Variants in DNAI1 observed in about 807,000 individuals in gnomAD.
DNAI1 encodes the protein dynein, axonemal, intermediate polypeptide 1.
DNAI1 carries 67 observed loss-of-function variants against 92.0 expected under a neutral mutation model. The ratio of observed to expected loss-of-function variants is 0.73; its 90% confidence interval spans 0.60 to 0.89. The LOEUF is 0.89. Ranked by LOEUF, DNAI1 falls within the 40% of genes least tolerant of loss-of-function variation. DNAI1 has a pLI of 0.00. For synonymous variants in DNAI1, 323 were observed against 319.6 expected (o/e 1.01, Z -0.11); for missense variants, 839 against 866.6 (o/e 0.97, Z 0.40).
intron 18 of DNAI1, among the ~76,000 whole-genome samples, chr9:34,516,825 C>T (rs1386132844): frequency 2.6e-5 from 4 of 151,546 alleles, no homozygotes; most frequent in South Asian, 2.1e-4. Context: ...CTGTAACCTC[C>T]GCCTCCCAGG....
At chr9:34,489,975 G>A in intron 5 of DNAI1, 37 bp from the exon 6 acceptor site, 1 of 1,610,904 alleles carries the variant, frequency 6.2e-7, no homozygotes, top group Non-Finnish European at 8.5e-7. Flanking sequence ...GGGAGAGCAG[G>A]CTTAGACTTT....
At chr9:34,465,386 G>A (rs1824018942) in intron 1 of DNAI1, among the ~76,000 whole-genome samples, 1 of 152,204 alleles carries the variant, frequency 6.6e-6, no homozygotes, top group African/African-American at 2.4e-5. Context: ...TGCAGTTGAT[G>A]ATAATTTTGA....
At chr9:34,507,288 C>T (rs7048474) in intron 13 of DNAI1, among the ~76,000 whole-genome samples, 29,740 of 152,128 alleles carry the variant, frequency 0.2, 3,449 homozygotes, top group African/African-American at 0.33. Flanking sequence ...TCCTCAAAAA[C>T]ATAACTACTA....
intron 1 of DNAI1, among the ~76,000 whole-genome samples, chr9:34,483,216 A>G (rs903033755): frequency 1.3e-5 from 2 of 152,204 alleles, no homozygotes; most frequent in African/African-American, 2.4e-5. Context: ...CAGCCCAGAA[A>G]GGGGCTCCCA....
At chr9:34,474,734 A>G (rs560818367) in intron 1 of DNAI1, among the ~76,000 whole-genome samples, 1 of 151,400 alleles carries the variant, frequency 6.6e-6, no homozygotes, top group East Asian at 2.0e-4. Flanking sequence ...ATGTCCGGCT[A>G]ATTTTTGTAT....
chr9:34,490,097 G>A lies in DNAI1; in HGVS notation c.474G>A (p.Gly158=), dbSNP rs1192454555. 2 of 1,614,138 alleles carry A rather than the reference G, an allele frequency of 1.2e-6. No individual in the cohort carries two copies. Among genetic ancestry groups the A allele is most frequent in the Admixed American group, 1.7e-5 (1 of 60,010 alleles). The change falls in exon 6 of 20, where the codon GGG becomes GGA. Residue 158 remains glycine (G), a synonymous_variant. Transcript: ENST00000242317. ...CCAAGGAGTTAGAAACTGAGCCTGG[G>A]AGTCAAACAGATGTGCCTGCAGCTG... The part of the protein sequence containing the change: ...EEPKELETEP[G]SQTDVPAAGA...
intron 2 of DNAI1, among the ~76,000 whole-genome samples, chr9:34,484,014 G>A (rs1299018341): frequency 1.3e-5 from 2 of 152,152 alleles, no homozygotes; most frequent in South Asian, 4.1e-4. Flanking sequence ...TCAGGAGTTC[G>A]AGACCAGCCT....
intron 13 of DNAI1, among the ~76,000 whole-genome samples, chr9:34,509,879 G>A (rs12552615): frequency 2.9e-4 from 40 of 139,494 alleles, no homozygotes; most frequent in Admixed American, 2.7e-3. Flanking sequence ...CGGCCTGGGC[G>A]ACAGAGCGAG....
chr9:34,467,277 T>C (rs1006551607), intron 1 of DNAI1, among the ~76,000 whole-genome samples: 7 of 152,110 alleles, frequency 4.6e-5, no homozygotes, highest in Non-Finnish European at 8.8e-5. Flanking sequence ...GTTTTAAAAA[T>C]AGCACATTTC....
At chr9:34,491,662 C>A in intron 8 of DNAI1, 108 bp downstream of exon 8, 1 of 1,206,030 alleles carries the variant, frequency 8.3e-7, no homozygotes, top group Non-Finnish European at 1.2e-6. Context: ...GGCAGTCTGC[C>A]CTCCTCATCT....
chr9:34,512,274 G>A (rs1825080253), intron 14 of DNAI1, 63 bp from the exon 15 acceptor site: 3 of 1,610,230 alleles, frequency 1.9e-6, no homozygotes, highest in South Asian at 1.1e-5. Flanking sequence ...GCAACCCCCA[G>A]CCTTGCTCAT....
At chr9:34,460,578 G>GGGCTTTAAGTTGAAGTTC (rs1554682273) in intron 1 of DNAI1, among the ~76,000 whole-genome samples, 5 of 152,036 alleles carry the variant, frequency 3.3e-5, no homozygotes, top group African/African-American at 4.8e-5. Context: ...TGTTGGGGTT[G>GGGCTTTAAGTTGAAGTTC]GGCTTTACGT....
At chr9:34,488,110 G>T in intron 4 of DNAI1, 2 of 388,892 alleles carry the variant, frequency 5.1e-6, no homozygotes, top group Admixed American at 3.0e-5. Flanking sequence ...TTAATATTGA[G>T]CATTTATTAT....
intron 12 of DNAI1, among the ~76,000 whole-genome samples, chr9:34,504,772 C>A (rs1372792220): frequency 1.3e-5 from 2 of 152,256 alleles, no homozygotes; most frequent in African/African-American, 4.8e-5. Flanking sequence ...TTTGAACCCT[C>A]TAGCAACTGA....
intron 1 of DNAI1, among the ~76,000 whole-genome samples, chr9:34,481,442 C>T (rs1411387297): frequency 6.6e-6 from 1 of 152,144 alleles, no homozygotes; most frequent in East Asian, 1.9e-4. Context: ...TCTGGCTGGG[C>T]GCAAAAGAAT....
At chr9:34,499,046 T>A (rs928457822) in intron 10 of DNAI1, among the ~76,000 whole-genome samples, 2 of 152,256 alleles carry the variant, frequency 1.3e-5, no homozygotes, top group Non-Finnish European at 2.9e-5. Flanking sequence ...CACAGTCACA[T>A]AAAAATGTAT....
chr9:34,483,113 C>G (rs188769298), intron 1 of DNAI1, among the ~76,000 whole-genome samples: 1 of 152,342 alleles, frequency 6.6e-6, no homozygotes, highest in African/African-American at 2.4e-5. Context: ...CCGCAAGCAC[C>G]GCACTCAGCC....
In DNAI1 at chr9:34,517,320, G is replaced by A. The variant is rs572999533; in HGVS notation, c.1854G>A (p.Glu618=). ...HIFDLAINKY[E]AICNQPVAAK... is the part of the protein sequence containing the mutation. Reference sequence around the variant, plus strand: ...TTGACTTAGCCATCAACAAGTATGAGGCCATCTGCAACCAGCCTGTGGCGG... The same window carrying A: ...TTGACTTAGCCATCAACAAGTATGAAGCCATCTGCAACCAGCCTGTGGCGG... The change falls in exon 19 of 20, where the codon GAG becomes GAA. Residue 618 remains glutamate (E), a synonymous_variant. Transcript: ENST00000242317. The A allele has an allele frequency of 1.2e-6, 2 of 1,613,998 alleles. No individual in the cohort carries two copies. The highest frequency in any genetic ancestry group is 2.2e-5 in the South Asian group (2 of 91,048).
intron 19 of DNAI1, among the ~76,000 whole-genome samples, chr9:34,517,729 C>A (rs892144525): frequency 6.6e-6 from 1 of 152,198 alleles, no homozygotes; most frequent in Non-Finnish European, 1.5e-5. Context: ...GGATCTGAAG[C>A]CTGCAGAGGC....
Sources: gnomAD v4.1 joint callset for allele counts (sites outside exome capture counted in the v4.1 genomes callset) on GRCh38, gnomAD v4.1.1 for gene constraint, MANE v1.5 for transcripts, NCBI Gene and HGNC (gene_info 2026-07-23, HGNC 2026-07-21) for gene names.